HPSE2: variants seen among roughly 807,000 people sequenced by gnomAD.
HPSE2 encodes inactive heparanase-2.
In HPSE2, 38 loss-of-function variants were observed where a neutral mutation model predicts 60.5. That is an observed-to-expected ratio of 0.63 (90% CI 0.48 to 0.82). HPSE2 has a LOEUF of 0.82. Among genes scored for constraint, HPSE2 ranks in the 40% least tolerant of loss-of-function variants. The pLI is 0.00. For missense variants in HPSE2, 713 were observed against 740.4 expected (o/e 0.96, Z 0.43); for synonymous variants, 295 against 293.2 (o/e 1.01, Z -0.06).
At chr10:99,031,292 TA>T (rs951069923) in intron 3 of HPSE2, among the ~76,000 whole-genome samples, 19 of 152,192 alleles carry the variant, frequency 1.2e-4, no homozygotes, top group African/African-American at 3.9e-4. Context: ...AATTTAAAAT[TA>T]AAAAAATGTT....
chr10:98,600,164 C>G (rs913721593), intron 9 of HPSE2, among the ~76,000 whole-genome samples: 1 of 152,094 alleles, frequency 6.6e-6, no homozygotes, highest in African/African-American at 2.4e-5. Flanking sequence ...AAAAGTATAT[C>G]AAGTCCCTAC....
At position 98,995,723 on chromosome 10, in the gene HPSE2, C is replaced by T. The variant is rs543387779; in HGVS notation, c.610+148515G>A. On this transcript the variant is annotated intron_variant, in intron 3 of 11. Transcript: ENST00000370552. ...ATATCTGACAAAATTATATCCAGAA[C>T]AAATAAGAAATTCTTAAAAATCAGT... 2.0e-5 allele frequency among the ~76,000 whole-genome samples: 3 copies of T among 152,026 alleles called. 1 individual carries two copies. The South Asian group carries it at 6.2e-4, about 32-fold the overall frequency.
At chr10:98,873,147 T>C (rs1271841574) in intron 3 of HPSE2, among the ~76,000 whole-genome samples, 2 of 152,132 alleles carry the variant, frequency 1.3e-5, no homozygotes, top group Admixed American at 1.3e-4. Context: ...ATGAATTGAT[T>C]TCACATGGTT....
chr10:99,200,686 GA>G (rs1397418951), intron 2 of HPSE2, among the ~76,000 whole-genome samples: 1 of 148,234 alleles, frequency 6.7e-6, no homozygotes, highest in East Asian at 2.0e-4. Context: ...TGATGACAAT[GA>G]TGATGATGAC....
intron 3 of HPSE2, among the ~76,000 whole-genome samples, chr10:99,046,921 T>G (rs1416634191): frequency 6.6e-6 from 1 of 152,136 alleles, no homozygotes; most frequent in Non-Finnish European, 1.5e-5. Context: ...GTGCTATACC[T>G]ATCAAACTAC....
chr10:98,688,477 C>CTTTTTTTTTTTTTTTTTTTTTTTT (rs1388717965), intron 6 of HPSE2, among the ~76,000 whole-genome samples: 2 of 83,012 alleles, frequency 2.4e-5, no homozygotes, highest in African/African-American at 4.4e-5. Context: ...TTTTTTTTTT[C>CTTTTTTTTTTTTTTTTTTTTTTTT]TTTTTTTTTT....
intron 3 of HPSE2, among the ~76,000 whole-genome samples, chr10:98,954,684 C>T (rs368113576): frequency 1.3e-5 from 2 of 152,004 alleles, no homozygotes; most frequent in East Asian, 3.9e-4. Flanking sequence ...CTAACCTTAC[C>T]CCATTGATCA....
At position 98,721,710 on chromosome 10, in the gene HPSE2, T is replaced by A; in HGVS notation, c.903A>T (p.Leu301Phe). 2 of 1,613,826 alleles carry A rather than the reference T, an allele frequency of 1.2e-6. No individual in the cohort carries two copies. The highest frequency in any genetic ancestry group is 1.7e-6 in the Non-Finnish European group (2 of 1,179,918). The change falls in exon 5 of 12, where the codon TTA becomes TTT. Residue 301 changes from leucine to phenylalanine, a missense_variant. Transcript: ENST00000370552. ...TCGGCCGCCCAATATTAGGGCCATA[T>A]AAGCTGGCTCTGGAATAAATCCGGA... ...QPIRIYSRAS[L>F]YGPNIGRPRK...
chr10:98,631,014 G>T (rs2134010742), intron 7 of HPSE2, among the ~76,000 whole-genome samples: 1 of 152,288 alleles, frequency 6.6e-6, no homozygotes, highest in South Asian at 2.1e-4. Context: ...AGTCATTCCA[G>T]TATCTCATCA....
chr10:98,723,795 G>A (rs1160343928), intron 4 of HPSE2, among the ~76,000 whole-genome samples: 1 of 152,100 alleles, frequency 6.6e-6, no homozygotes, highest in Non-Finnish European at 1.5e-5. Context: ...GTATGTCTGT[G>A]GGATCGGTGG....
chr10:99,141,274 C>A (rs1176189320), intron 3 of HPSE2, among the ~76,000 whole-genome samples: 1 of 152,060 alleles, frequency 6.6e-6, no homozygotes, highest in Non-Finnish European at 1.5e-5. Context: ...TATACGCCCC[C>A]ATAGGTGAGT....
At chr10:98,768,080 A>G (rs568570303) in intron 3 of HPSE2, among the ~76,000 whole-genome samples, 1 of 152,052 alleles carries the variant, frequency 6.6e-6, no homozygotes, top group Admixed American at 6.6e-5. Context: ...CTGGAAAATA[A>G]TGGGATTGGA....
chr10:99,228,315 G>C (rs1209223628), intron 2 of HPSE2, among the ~76,000 whole-genome samples: 1 of 152,058 alleles, frequency 6.6e-6, no homozygotes, highest in African/African-American at 2.4e-5. Flanking sequence ...TATTATGTAA[G>C]CAATCCAAAA....
intron 1 of HPSE2, among the ~76,000 whole-genome samples, chr10:99,233,627 T>A (rs1849742329): frequency 6.6e-6 from 1 of 152,172 alleles, no homozygotes; most frequent in African/African-American, 2.4e-5. Flanking sequence ...CAAATCCACA[T>A]GGTGACGTTA....
intron 9 of HPSE2, among the ~76,000 whole-genome samples, chr10:98,501,469 T>A (rs551334787): frequency 6.6e-6 from 1 of 152,332 alleles, no homozygotes; most frequent in African/African-American, 2.4e-5. Flanking sequence ...TCTCAATAGA[T>A]GCAGAAAAAG....
At chr10:98,789,137 A>T (rs1275043227) in intron 3 of HPSE2, among the ~76,000 whole-genome samples, 1 of 152,222 alleles carries the variant, frequency 6.6e-6, no homozygotes, top group Non-Finnish European at 1.5e-5. Flanking sequence ...CAGCCCGGTG[A>T]TACAGGGCTT....
At chr10:98,673,978 A>G (rs1372283810) in intron 6 of HPSE2, among the ~76,000 whole-genome samples, 3 of 152,200 alleles carry the variant, frequency 2.0e-5, no homozygotes, top group African/African-American at 7.2e-5. Flanking sequence ...TCTTATTAAA[A>G]TACAGATTTC....
chr10:99,184,736 T>C (rs1057264939), intron 2 of HPSE2, among the ~76,000 whole-genome samples: 5 of 136,830 alleles, frequency 3.7e-5, no homozygotes, highest in African/African-American at 1.4e-4. Context: ...TAAACATTGC[T>C]GAAGAAAAGA....
the HPSE2 span, among the ~76,000 whole-genome samples, chr10:99,280,684 C>T: frequency 6.6e-6 from 1 of 152,308 alleles, no homozygotes; most frequent in Admixed American, 6.5e-5. Flanking sequence ...GCTCTCACTT[C>T]CTGCCACCTA....
Sources: gnomAD v4.1 joint callset for allele counts (sites outside exome capture counted in the v4.1 genomes callset) on GRCh38, gnomAD v4.1.1 for gene constraint, MANE v1.5 for transcripts, NCBI Gene and HGNC (gene_info 2026-07-23, HGNC 2026-07-21) for gene names.